Variants in ERBB4 observed in about 807,000 individuals in gnomAD.
ERBB4 encodes receptor tyrosine-protein kinase erbB-4.
Under a neutral mutation model 158.0 loss-of-function variants are expected in ERBB4, and 42 were observed. That is an observed-to-expected ratio of 0.27 (90% CI 0.21 to 0.34). The LOEUF is 0.34. ERBB4 is among the 10% of genes least tolerant of loss of function. The pLI is 1.00. For missense variants in ERBB4, 1,333 were observed against 1,624.1 expected, an observed-to-expected ratio of 0.82 and a Z score of 3.08; for synonymous variants, 583 against 558.7, an observed-to-expected ratio of 1.04 and a Z score of -0.61.
intron 2 of ERBB4, among the ~76,000 whole-genome samples, chr2:212,073,513 C>G (rs1159446834): frequency 2.0e-5 from 3 of 151,882 alleles, no homozygotes; most frequent in Non-Finnish European, 2.9e-5. Flanking sequence ...ACAAAAGCAG[C>G]CCAGGTAGCT....
At chr2:211,584,037 A>G (rs1264392653) in intron 19 of ERBB4, among the ~76,000 whole-genome samples, 1 of 148,186 alleles carries the variant, frequency 6.7e-6, no homozygotes, top group Admixed American at 6.9e-5. Flanking sequence ...AGATGCTTTC[A>G]TTTCCCCATT....
intron 5 of ERBB4, among the ~76,000 whole-genome samples, chr2:211,741,464 C>CACACACAT (rs1345115460): frequency 1.3e-5 from 2 of 151,106 alleles, no homozygotes; most frequent in Non-Finnish European, 1.5e-5. Context: ...CACACACACA[C>CACACACAT]ACACACACAC....
intron 1 of ERBB4, among the ~76,000 whole-genome samples, chr2:212,520,611 A>C (rs1026557216): frequency 3.3e-5 from 5 of 151,862 alleles, no homozygotes; most frequent in Non-Finnish European, 5.9e-5. Context: ...TCTCAGTCTA[A>C]AAAAATAGCT....
chr2:211,407,448 C>CAATT, intron 25 of ERBB4, among the ~76,000 whole-genome samples: 1 of 151,890 alleles, frequency 6.6e-6, no homozygotes, highest in South Asian at 2.1e-4. Context: ...GGGAGGGAAA[C>CAATT]AATTAAGTAT....
intron 13 of ERBB4, among the ~76,000 whole-genome samples, chr2:211,677,199 A>T (rs893914616): frequency 6.6e-6 from 1 of 152,132 alleles, no homozygotes; most frequent in Non-Finnish European, 1.5e-5. Flanking sequence ...TATTTATTGG[A>T]TCCAGTGGGA....
chr2:211,768,231 C>T (rs1048749866), intron 4 of ERBB4, among the ~76,000 whole-genome samples: 3 of 152,184 alleles, frequency 2.0e-5, no homozygotes, highest in African/African-American at 7.2e-5. Flanking sequence ...CTCTGAAGGC[C>T]TTGGGCAGCT....
intron 3 of ERBB4, among the ~76,000 whole-genome samples, chr2:211,835,056 A>T (rs1198652142): frequency 2.0e-5 from 3 of 152,122 alleles, no homozygotes; most frequent in Non-Finnish European, 4.4e-5. Context: ...CCTCATAGGG[A>T]ATATTTTTCC....
At position 212,146,986 on chromosome 2, in the gene ERBB4, C is replaced by CTTTTTTT. The variant is rs34029473; in HGVS notation, c.83-22090_83-22084dup. ...GAGAAGCTCTGTTGTCATTGTTAGA[C>CTTTTTTT]TTTTTTTTTTTTTTTTTTTTTTGAG... is the stretch of plus-strand genomic sequence containing the variant. On this transcript the variant is annotated intron_variant, in intron 1 of 27. Coordinates refer to ENST00000342788, the MANE Select transcript of ERBB4 (RefSeq NM_005235.3). Among the ~76,000 whole-genome samples the CTTTTTTT allele has an allele frequency of 3.7e-3, 285 of 77,450 alleles. 25 individuals carry two copies. Among genetic ancestry groups the CTTTTTTT allele is most frequent in the Middle Eastern group, 0.012 (1 of 84 alleles). 50.8% of individuals were successfully genotyped at this position (77,450 alleles called of 152,430 possible). A position where few individuals can be genotyped will look rare whatever the true frequency, so the allele number is the denominator to read the frequency against.
At chr2:211,888,647 C>T (rs1575321403) in intron 3 of ERBB4, among the ~76,000 whole-genome samples, 1 of 152,164 alleles carries the variant, frequency 6.6e-6, no homozygotes, top group Non-Finnish European at 1.5e-5. Flanking sequence ...CCGGGTTTCT[C>T]TCACTAGGGA....
chr2:211,436,208 T>A (rs1039714061), intron 20 of ERBB4, among the ~76,000 whole-genome samples: 3 of 152,242 alleles, frequency 2.0e-5, no homozygotes, highest in Non-Finnish European at 4.4e-5. Flanking sequence ...CAGGACATAA[T>A]GCAAGTGATT....
chr2:212,360,372 T>C (rs926008418), intron 1 of ERBB4, among the ~76,000 whole-genome samples: 14 of 151,716 alleles, frequency 9.2e-5, no homozygotes, highest in African/African-American at 3.4e-4. Context: ...ATTAGCACTA[T>C]TTCTTCTGAT....
At chr2:211,480,937 G>T (rs1211193535) in intron 20 of ERBB4, among the ~76,000 whole-genome samples, 1 of 152,098 alleles carries the variant, frequency 6.6e-6, no homozygotes, top group Admixed American at 6.5e-5. Flanking sequence ...CATTACAACT[G>T]AAATATATTT....
intron 2 of ERBB4, among the ~76,000 whole-genome samples, chr2:212,053,463 T>C (rs1238962781): frequency 1.3e-5 from 2 of 152,148 alleles, no homozygotes; most frequent in African/African-American, 2.4e-5. Flanking sequence ...CTCTATTTCA[T>C]GCAAACTGCT....
In ERBB4 at chr2:211,946,576, C is replaced by CTTTTTTTTTT. The variant is rs56007115; in HGVS notation, c.421+844_421+853dup. ...TACTAATTATTTACTAATTAGCTCT[C>CTTTTTTTTTT]TTTTTTTTTTTTTTTTTTTTTTTTT... On this transcript the variant is annotated intron_variant, in intron 3 of 27. Coordinates refer to ENST00000342788, the MANE Select transcript of ERBB4 (RefSeq NM_005235.3). 8.3e-4 allele frequency among the ~76,000 whole-genome samples: 41 copies of CTTTTTTTTTT among 49,586 alleles called. 5 individuals carry two copies. The highest frequency in any genetic ancestry group is 1.5e-3 in the East Asian group (2 of 1,312). 32.5% of individuals were successfully genotyped at this position (49,586 alleles called of 152,430 possible). A position where few individuals can be genotyped will look rare whatever the true frequency, so the allele number is the denominator to read the frequency against.
At chr2:212,161,042 C>T (rs555833195) in intron 1 of ERBB4, among the ~76,000 whole-genome samples, 1 of 151,954 alleles carries the variant, frequency 6.6e-6, no homozygotes, top group Non-Finnish European at 1.5e-5. Flanking sequence ...TGTTTAATAT[C>T]CCATAAATAT....
intron 2 of ERBB4, among the ~76,000 whole-genome samples, chr2:212,103,044 A>T (rs1456215413): frequency 1.3e-5 from 2 of 152,070 alleles, no homozygotes; most frequent in African/African-American, 4.8e-5. Context: ...CCATCTCTCC[A>T]TCAATCCATC....
At chr2:211,638,498 C>A (rs143512753) in intron 16 of ERBB4, among the ~76,000 whole-genome samples, 1 of 152,048 alleles carries the variant, frequency 6.6e-6, no homozygotes, top group Admixed American at 6.5e-5. Flanking sequence ...TTTTGGTTGA[C>A]GAGACCTGGG....
chr2:211,413,854 A>T (rs7561756), intron 25 of ERBB4, among the ~76,000 whole-genome samples: 48,314 of 151,408 alleles, frequency 0.32, 8,802 homozygotes, highest in Non-Finnish European at 0.4. Context: ...CTCAGCAAAG[A>T]GAGGGGGTCC....
At chr2:211,729,435 A>G (rs981148943) in intron 5 of ERBB4, among the ~76,000 whole-genome samples, 1 of 151,770 alleles carries the variant, frequency 6.6e-6, no homozygotes, top group African/African-American at 2.4e-5. Context: ...AAGCATTTGG[A>G]CACATAAAAG....
Sources: gnomAD v4.1 joint callset for allele counts (sites outside exome capture counted in the v4.1 genomes callset) on GRCh38, gnomAD v4.1.1 for gene constraint, MANE v1.5 for transcripts, NCBI Gene and HGNC (gene_info 2026-07-23, HGNC 2026-07-21) for gene names.